The following SORCS3 variants were observed in gnomAD, a reference collection of about 807,000 sequenced individuals.
SORCS3 encodes sortilin related VPS10 domain containing receptor 3.
SORCS3 carries 57 observed loss-of-function variants against 146.3 expected under a neutral mutation model. The ratio of observed to expected loss-of-function variants is 0.39; its 90% CI spans 0.31 to 0.49. SORCS3 has a LOEUF of 0.49. SORCS3 is among the 20% of genes least tolerant of loss of function. The pLI is 0.92. For missense variants in SORCS3, 1,341 were observed against 1,575.5 expected, an observed-to-expected ratio of 0.85 and a Z score of 2.52; for synonymous variants, 653 against 618.5, an observed-to-expected ratio of 1.06 and a Z score of -0.83.
chr10:104,950,575 G>T (rs1178069504), intron 3 of SORCS3, among the ~76,000 whole-genome samples: 2 of 152,078 alleles, frequency 1.3e-5, no homozygotes, highest in African/African-American at 4.8e-5. Flanking sequence ...TTATAGATCT[G>T]GTTTAGTTAC....
intron 18 of SORCS3, among the ~76,000 whole-genome samples, chr10:105,214,945 G>A (rs943501116): frequency 1.3e-5 from 2 of 152,184 alleles, no homozygotes; most frequent in Non-Finnish European, 1.5e-5. Context: ...AACTTGGCCA[G>A]AGGAAGGAAA....
At chr10:104,947,520 G>A (rs2019384343) in intron 3 of SORCS3, among the ~76,000 whole-genome samples, 3 of 152,154 alleles carry the variant, frequency 2.0e-5, no homozygotes, top group African/African-American at 7.2e-5. Flanking sequence ...GAGGCTGACC[G>A]GTGCTGCAGT....
chr10:104,827,275 G>A (rs573272051), intron 1 of SORCS3, among the ~76,000 whole-genome samples: 1 of 152,138 alleles, frequency 6.6e-6, no homozygotes, highest in South Asian at 2.1e-4. Flanking sequence ...CACTGTTTAT[G>A]GCAACATAGT....
intron 1 of SORCS3, 68 bp downstream of exon 1, chr10:104,642,022 G>GGGGGGGGGGGCCCCCCCC: frequency 2.3e-5 from 4 of 173,336 alleles, no homozygotes; most frequent in East Asian, 1.5e-4. Flanking sequence ...GGGTGGGTGG[G>GGGGGGGGGGGCCCCCCCC]AGCGAGGGAC....
intron 20 of SORCS3, among the ~76,000 whole-genome samples, chr10:105,232,812 C>T (rs772107039): frequency 8.6e-5 from 13 of 151,838 alleles, no homozygotes; most frequent in East Asian, 1.9e-4. Context: ...GTTTAATCTC[C>T]GTGTATTTTG....
At chr10:105,182,947 C>T (rs1215545213) in intron 14 of SORCS3, among the ~76,000 whole-genome samples, 1 of 152,134 alleles carries the variant, frequency 6.6e-6, no homozygotes, top group Non-Finnish European at 1.5e-5. Flanking sequence ...AAGTGATCTG[C>T]CCACCTCAGC....
chr10:105,106,443 G>T (rs2055822419), intron 7 of SORCS3, among the ~76,000 whole-genome samples: 5 of 152,076 alleles, frequency 3.3e-5, no homozygotes, highest in Admixed American at 3.3e-4. Flanking sequence ...CAACTTTATG[G>T]TCTATACCAT....
chr10:105,154,461 G>T (rs903938915), intron 9 of SORCS3, among the ~76,000 whole-genome samples: 3 of 152,184 alleles, frequency 2.0e-5, no homozygotes, highest in African/African-American at 7.2e-5. Flanking sequence ...CACTCAAATT[G>T]ATTCCCAGAG....
intron 6 of SORCS3, among the ~76,000 whole-genome samples, chr10:105,095,461 C>T (rs964668443): frequency 6.6e-6 from 1 of 152,152 alleles, no homozygotes; most frequent in Non-Finnish European, 1.5e-5. Context: ...GTACCCTCAG[C>T]ACTGCGTCCA....
Position 105,089,852 on chromosome 10 carries a change from A to G in SORCS3, c.1093+13A>G. 1.2e-6 allele frequency: 2 copies of G among 1,612,126 alleles called. No homozygotes were observed. The highest frequency in any genetic ancestry group is 8.5e-7 in the Non-Finnish European group (1 of 1,178,188). On this transcript the variant is annotated intron_variant, in intron 6 of 26. Coordinates refer to ENST00000369701, the MANE Select transcript of SORCS3 (RefSeq NM_014978.3). ...ACCACGGATGGATGTGAGTTCTGCT[A>G]CAGCCAGGCTAGGCCCAGGGAGATC...
intron 2 of SORCS3, among the ~76,000 whole-genome samples, chr10:104,861,684 A>T (rs546480575): frequency 6.6e-6 from 1 of 152,250 alleles, no homozygotes; most frequent in South Asian, 2.1e-4. Context: ...AAGCATGGAG[A>T]GTGAAATGGC....
intron 3 of SORCS3, among the ~76,000 whole-genome samples, chr10:104,926,454 A>G (rs2019146439): frequency 6.6e-6 from 1 of 152,174 alleles, no homozygotes; most frequent in Admixed American, 6.5e-5. Context: ...CAAAACATGA[A>G]CCAAACCTCC....
intron 1 of SORCS3, 61 bp downstream of exon 1, chr10:104,642,015 TG>T: frequency 1.4e-5 from 1 of 72,122 alleles, no homozygotes; most frequent in Non-Finnish European, 2.7e-5. Flanking sequence ...AATGGGGGGG[TG>T]GGTGGGAGCG....
chr10:105,086,962 G>T (rs2055665243), intron 5 of SORCS3, among the ~76,000 whole-genome samples: 1 of 152,218 alleles, frequency 6.6e-6, no homozygotes, highest in Non-Finnish European at 1.5e-5. Context: ...TGCTTTTGGT[G>T]TTTTAGTCAT....
chr10:105,141,248 T>C (rs1486356800), intron 8 of SORCS3, among the ~76,000 whole-genome samples: 1 of 152,136 alleles, frequency 6.6e-6, no homozygotes, highest in Non-Finnish European at 1.5e-5. Context: ...TTTATTGTGG[T>C]GGAATGCCAT....
intron 1 of SORCS3, among the ~76,000 whole-genome samples, chr10:104,751,183 G>A (rs762764667): frequency 1.3e-5 from 2 of 152,168 alleles, no homozygotes; most frequent in Non-Finnish European, 2.9e-5. Context: ...GTGCTAATCT[G>A]TAGCAGCCAC....
chr10:105,134,064 GT>G (rs2056041099), intron 7 of SORCS3, among the ~76,000 whole-genome samples: 1 of 152,160 alleles, frequency 6.6e-6, no homozygotes. Context: ...TTTTTAAAAA[GT>G]TTTTCACAAA....
chr10:104,966,421 A>G (rs1027820399), intron 3 of SORCS3, among the ~76,000 whole-genome samples: 2 of 152,104 alleles, frequency 1.3e-5, no homozygotes, highest in Non-Finnish European at 2.9e-5. Flanking sequence ...TGTTATTGTT[A>G]TTTCTTATTG....
intron 4 of SORCS3, among the ~76,000 whole-genome samples, chr10:104,986,016 GGTGA>G (rs2054960172): frequency 6.6e-6 from 1 of 152,112 alleles, no homozygotes; most frequent in Admixed American, 6.6e-5. Flanking sequence ...CGTTAGCCTG[GGTGA>G]GTCTTCCGTC....
Sources: allele counts gnomAD v4.1 joint callset (sites outside exome capture counted in the v4.1 genomes callset), GRCh38; gene constraint gnomAD v4.1.1; transcripts MANE v1.5; gene names NCBI Gene and HGNC (gene_info 2026-07-23, HGNC 2026-07-21).